The following SLFN12L variants were observed in gnomAD, a reference collection of about 807,000 sequenced individuals.
SLFN12L encodes schlafen family member 12 like.
A neutral mutation model predicts 34.8 loss-of-function variants in SLFN12L; 34 were observed. The observed-to-expected ratio is 0.98, with a 90% confidence interval of 0.74 to 1.30. The LOEUF (loss-of-function observed/expected upper bound fraction) is 1.30, where lower values mean the gene tolerates loss of function less well. Ranked by LOEUF, SLFN12L falls within the 50% of genes most tolerant of loss-of-function variation. The probability of loss-of-function intolerance (pLI) is 0.00; values close to 1 mark genes in which losing one functional copy is unlikely to be tolerated. For missense variants in SLFN12L, 703 were observed against 696.2 expected (o/e 1.01, Z -0.11); for synonymous variants, 259 against 247.5 (o/e 1.05, Z -0.44).
intron 4 of SLFN12L, among the ~76,000 whole-genome samples, chr17:35,477,642 A>T (rs533744073): frequency 2.0e-5 from 3 of 152,268 alleles, no homozygotes; most frequent in African/African-American, 7.2e-5. Context: ...TTCATAGAAG[A>T]TAAAATATCT....
At chr17:35,526,340 G>A (rs946979285) in intron 1 of SLFN12L, among the ~76,000 whole-genome samples, 9 of 152,136 alleles carry the variant, frequency 5.9e-5, no homozygotes, top group Admixed American at 2.6e-4. Flanking sequence ...CTTCAACTCC[G>A]CTCTGAACCA....
Position 35,489,956 on chromosome 17 carries a change from G to T in SLFN12L, c.87-9761C>A. The T allele has an allele frequency of 2.8e-6, 4 of 1,424,936 alleles. No homozygotes were observed. In the South Asian group the frequency reaches 4.6e-5, roughly 16 times the overall value. The allele number at this position is 1,424,936 out of a possible 1,614,324, so 88.3% of individuals were successfully genotyped here. A position where few individuals can be genotyped will look rare whatever the true frequency, so the allele number is the denominator to read the frequency against. ...GGACAAAAATCCCACAACCAGTCAT[G>T]ATTTTTAAAAAGAACCCTTAGCAAA... On this transcript the variant is annotated intron_variant, in intron 2 of 4. Transcript: ENST00000628453.
At chr17:35,535,645 C>A (rs909796232) in intron 1 of SLFN12L, among the ~76,000 whole-genome samples, 1 of 151,960 alleles carries the variant, frequency 6.6e-6, no homozygotes, top group African/African-American at 2.4e-5. Context: ...CGCCACCATG[C>A]CTGGCTAGCT....
In SLFN12L at chr17:35,530,532, GAAAAGAAAAGAAA is replaced by G. The variant is rs1451047591; in HGVS notation, c.-606+7028_-606+7040del. 3.9e-3 allele frequency among the ~76,000 whole-genome samples: 399 copies of G among 103,420 alleles called. 21 individuals carry two copies. The East Asian group carries it at 0.045, about 12-fold the overall frequency. The allele number at this position is 103,420 out of a possible 152,430, so 67.8% of individuals were successfully genotyped here. ...AGAAAGAAAAGAAAAGAAAAGAAAA[GAAAAGAAAAGAAA>G]GAAAGAAAGAAAGAGAAAGGGAGAG... On this transcript the variant is annotated intron_variant, in intron 1 of 4. Coordinates refer to ENST00000628453, the MANE Select transcript of SLFN12L (RefSeq NM_001363830.2).
In SLFN12L at chr17:35,475,410, T is replaced by C. The variant is rs1335189783; in HGVS notation, c.1352A>G (p.Gln451Arg). The change falls in exon 5 of 5, where the codon CAA becomes CGA. Residue 451 changes from glutamine to arginine, a missense_variant. By Grantham distance (43) the Gln-to-Arg change is conservative. Transcript: ENST00000628453. ...NLFSQHEGLK[Q>R]LICEEMGSVN... ...AGAGCCCATTTCTTCACATATTAATTGCTTAAGTCCTTCATGTTGTGAGAA... is the reference window on the plus strand; with the variant it reads ...AGAGCCCATTTCTTCACATATTAATCGCTTAAGTCCTTCATGTTGTGAGAA... The C allele has an allele frequency of 1.2e-6, 2 of 1,614,028 alleles. No individual in the cohort carries two copies. The highest frequency in any genetic ancestry group is 1.3e-5 in the African/African-American group (1 of 74,920).
intron 2 of SLFN12L, among the ~76,000 whole-genome samples, chr17:35,521,973 G>T (rs1033473681): frequency 6.6e-6 from 1 of 152,126 alleles, no homozygotes; most frequent in Non-Finnish European, 1.5e-5. Context: ...CCTGTTGTGG[G>T]GTGAGGGGAG....
intron 1 of SLFN12L, among the ~76,000 whole-genome samples, chr17:35,528,380 T>C (rs958321795): frequency 8.0e-6 from 1 of 125,262 alleles, no homozygotes; most frequent in Non-Finnish European, 1.7e-5. Flanking sequence ...CAAGCCTGCA[T>C]AGCCAAGACA....
intron 2 of SLFN12L, chr17:35,498,509 T>G: frequency 8.2e-7 from 1 of 1,220,616 alleles, no homozygotes; most frequent in South Asian, 1.2e-5. Context: ...TCCTTTATCC[T>G]CTCTTTGTCT....
At chr17:35,484,542 C>T (rs1914499383) in intron 2 of SLFN12L, among the ~76,000 whole-genome samples, 1 of 152,148 alleles carries the variant, frequency 6.6e-6, no homozygotes, top group Non-Finnish European at 1.5e-5. Context: ...TGGCAGGGTG[C>T]CCCAGACTGG....
At chr17:35,497,947 G>A (rs1228532429) in intron 2 of SLFN12L, among the ~76,000 whole-genome samples, 4 of 152,224 alleles carry the variant, frequency 2.6e-5, no homozygotes, top group African/African-American at 9.6e-5. Flanking sequence ...CACTTTGGGA[G>A]GCCAAGGTGG....
chr17:35,482,621 C>T (rs958172143), intron 2 of SLFN12L, among the ~76,000 whole-genome samples: 1 of 152,206 alleles, frequency 6.6e-6, no homozygotes, highest in African/African-American at 2.4e-5. Context: ...GAGAAGATCC[C>T]CCTGCCCTCG....
chr17:35,494,375 T>G (rs1914961881), intron 2 of SLFN12L, among the ~76,000 whole-genome samples: 1 of 152,174 alleles, frequency 6.6e-6, no homozygotes, highest in Admixed American at 6.5e-5. Context: ...AAAATGATTT[T>G]TTAAGAAAAA....
At chr17:35,527,487 C>T (rs1303561808) in intron 1 of SLFN12L, among the ~76,000 whole-genome samples, 1 of 152,148 alleles carries the variant, frequency 6.6e-6, no homozygotes, top group Admixed American at 6.5e-5. Context: ...AGCAGCACAT[C>T]AAAAAGCTTA....
At chr17:35,477,418 T>G (rs1172371167) in intron 4 of SLFN12L, among the ~76,000 whole-genome samples, 1 of 152,170 alleles carries the variant, frequency 6.6e-6, no homozygotes, top group African/African-American at 2.4e-5. Flanking sequence ...AATTTTTAAA[T>G]GGCAAGTTTG....
chr17:35,490,277 C>T, intron 2 of SLFN12L: 1 of 1,506,036 alleles, frequency 6.6e-7, no homozygotes, highest in Non-Finnish European at 9.2e-7. Flanking sequence ...TTCAAAAACC[C>T]CCAAGGGCAA....
chr17:35,474,977 A>G lies in SLFN12L; in HGVS notation c.1785T>C (p.Cys595=). The G allele has an allele frequency of 6.4e-7, 1 of 1,555,224 alleles. No homozygotes were observed. Among genetic ancestry groups the G allele is most frequent in the Non-Finnish European group, 8.7e-7 (1 of 1,149,004 alleles). The stretch of plus-strand genomic sequence containing the variant: ...AAACAAACAAACAAAAACGAAACAA[A>G]CAAACAAACAAAAAGATTTGATTCT... ...PKENQIFLFV[C]LFRFCLFVCW... Residue 595 remains cysteine, a synonymous_variant, in exon 5 of 5, where the codon TGT becomes TGC. Coordinates refer to ENST00000628453, the MANE Select transcript of SLFN12L (RefSeq NM_001363830.2).
chr17:35,498,587 T>A (rs1372837643), intron 2 of SLFN12L: 1 of 1,584,006 alleles, frequency 6.3e-7, no homozygotes, highest in Admixed American at 1.7e-5. Flanking sequence ...GCCGCTTCCA[T>A]GGAATGTTTC....
chr17:35,530,337 C>T (rs764512461), intron 1 of SLFN12L, among the ~76,000 whole-genome samples: 4 of 133,116 alleles, frequency 3.0e-5, no homozygotes, highest in Non-Finnish European at 4.7e-5. Context: ...CAGAGTGAGA[C>T]TCTGTCAGAA....
intron 2 of SLFN12L, among the ~76,000 whole-genome samples, chr17:35,500,799 C>T (rs1168208474): frequency 2.0e-5 from 3 of 152,142 alleles, no homozygotes; most frequent in South Asian, 4.2e-4. Context: ...ATTGCATAGA[C>T]AAGCACTGTG....
Sources: gnomAD v4.1 joint callset for allele counts (sites outside exome capture counted in the v4.1 genomes callset) on GRCh38, gnomAD v4.1.1 for gene constraint, MANE v1.5 for transcripts, NCBI Gene and HGNC (gene_info 2026-07-23, HGNC 2026-07-21) for gene names.